TEX2: variants seen among roughly 807,000 people sequenced by gnomAD.
The protein encoded by TEX2 is testis expressed 2.
Under a neutral mutation model 106.9 loss-of-function variants are expected in TEX2, and 53 were observed. The ratio of observed to expected loss-of-function variants is 0.50; its 90% CI spans 0.40 to 0.62. The LOEUF (loss-of-function observed/expected upper bound fraction) is 0.62. Among genes scored for constraint, TEX2 ranks in the 20% least tolerant of loss-of-function variants. The probability of loss-of-function intolerance (pLI) is 0.00; values close to 1 mark genes in which losing one functional copy is unlikely to be tolerated. For synonymous variants in TEX2, 523 were observed against 534.8 expected, an observed-to-expected ratio of 0.98 and a Z score of 0.30; for missense variants, 1,207 against 1,379.0, an observed-to-expected ratio of 0.88 and a Z score of 1.98.
chr17:64,156,443 TA>T (rs1483730680), intron 8 of TEX2, among the ~76,000 whole-genome samples: 1 of 152,184 alleles, frequency 6.6e-6, no homozygotes, highest in African/African-American at 2.4e-5. Context: ...GGACAGCACG[TA>T]ACTGAGTCTT....
intron 4 of TEX2, 96 bp downstream of exon 4, chr17:64,193,463 G>GCTTCCTTA: frequency 1.0e-6 from 1 of 993,984 alleles, no homozygotes; most frequent in Non-Finnish European, 1.4e-6. Context: ...TTCAGGGTGG[G>GCTTCCTTA]CTTCCTTCCT....
intron 1 of TEX2, among the ~76,000 whole-genome samples, chr17:64,219,014 G>A (rs932083101): frequency 2.0e-5 from 3 of 152,022 alleles, no homozygotes; most frequent in African/African-American, 2.4e-5. Context: ...ACTTTCACCC[G>A]AAGCCTCAAG....
intron 1 of TEX2, among the ~76,000 whole-genome samples, chr17:64,250,883 G>T (rs1300249146): frequency 6.6e-6 from 1 of 152,046 alleles, no homozygotes; most frequent in East Asian, 1.9e-4. Flanking sequence ...GTAGAGACAG[G>T]GTTTCACCAT....
intron 5 of TEX2, among the ~76,000 whole-genome samples, chr17:64,179,359 T>C (rs931222242): frequency 2.0e-5 from 3 of 152,114 alleles, no homozygotes; most frequent in African/African-American, 7.2e-5. Context: ...GGCATTGTGA[T>C]AGGACAAAAA....
intron 2 of TEX2, among the ~76,000 whole-genome samples, chr17:64,197,718 C>T (rs1004809304): frequency 6.6e-6 from 1 of 152,092 alleles, no homozygotes; most frequent in East Asian, 1.9e-4. Context: ...GTCACTACAC[C>T]AAGCTAATTT....
At chr17:64,260,343 T>C (rs1376285591) in intron 1 of TEX2, among the ~76,000 whole-genome samples, 10 of 152,236 alleles carry the variant, frequency 6.6e-5, no homozygotes, top group African/African-American at 2.4e-4. Flanking sequence ...AAGTGTGTTT[T>C]GTTTGCTTGG....
chr17:64,218,480 A>C (rs1555632908), intron 1 of TEX2, among the ~76,000 whole-genome samples: 1 of 145,738 alleles, frequency 6.9e-6, no homozygotes, highest in African/African-American at 2.6e-5. Context: ...GTGCAGTGGC[A>C]CAATCTCGGC....
intron 5 of TEX2, among the ~76,000 whole-genome samples, chr17:64,186,951 A>G (rs2032098449): frequency 6.6e-6 from 1 of 152,224 alleles, no homozygotes; most frequent in Non-Finnish European, 1.5e-5. Context: ...CTTTCAGAAT[A>G]ACCCAGCAAA....
intron 5 of TEX2, among the ~76,000 whole-genome samples, chr17:64,179,850 G>A (rs2031781699): frequency 1.3e-5 from 2 of 152,104 alleles, no homozygotes; most frequent in African/African-American, 4.8e-5. Flanking sequence ...CCTTCTTAAT[G>A]GACATGGATT....
chr17:64,180,709 T>TG lies in TEX2; in HGVS notation c.2425-3239dup, dbSNP rs1241713043. ...CTAAGAAATGGTAACTTTCCAAAAA[T>TG]GGCTTCCAAATAAGTGTAGAGAAAA... is the stretch of plus-strand genomic sequence containing the variant. On this transcript the variant is annotated intron_variant, in intron 5 of 11. Coordinates refer to ENST00000584379, the MANE Select transcript of TEX2 (RefSeq NM_001288732.2). Among the ~76,000 whole-genome samples the TG allele has an allele frequency of 9.2e-5, 14 of 152,378 alleles. 1 individual carries two copies. Among genetic ancestry groups the TG allele is most frequent in the African/African-American group, 3.4e-4 (14 of 41,582 alleles).
chr17:64,179,526 T>C (rs2031760463), intron 5 of TEX2, among the ~76,000 whole-genome samples: 1 of 152,176 alleles, frequency 6.6e-6, no homozygotes, highest in South Asian at 2.1e-4. Context: ...CCGTGCCACC[T>C]TTAAGAGCTG....
At position 64,195,055 on chromosome 17, in the gene TEX2, T is replaced by C. The variant is rs747438891; in HGVS notation, c.1685A>G (p.Tyr562Cys). The C allele has an allele frequency of 3.7e-6, 6 of 1,614,058 alleles. No individual in the cohort carries two copies. The highest frequency in any genetic ancestry group is 2.2e-5 in the East Asian group (1 of 44,898). Residue 562 changes from tyrosine (Y) to cysteine (C), a missense_variant, in exon 3 of 12, where the codon TAC becomes TGC. Tyr to Cys is a radical substitution (Grantham distance 194). This residue lies in a region of TEX2 where 1,067 missense variants were observed against 1,193.6 expected (regional missense o/e 0.89). Transcript: ENST00000584379. The surrounding 1 kb of genome is among the most constrained non-coding windows in gnomAD (Gnocchi z 4.1). ...GACTGAATGTGTCAAAGTCGCATGGTAGGTTTCTGGATCATAGTTGTAAAT... is the reference window on the plus strand; with the variant it reads ...GACTGAATGTGTCAAAGTCGCATGGCAGGTTTCTGGATCATAGTTGTAAAT... The part of the protein sequence containing the change: ...NEIYNYDPET[Y>C]HATLTHSVFV...
chr17:64,252,757 A>G (rs1199828378), intron 1 of TEX2, among the ~76,000 whole-genome samples: 2 of 152,228 alleles, frequency 1.3e-5, no homozygotes, highest in South Asian at 2.1e-4. Context: ...TACTGGGTAT[A>G]TAACGCGGAG....
intron 1 of TEX2, among the ~76,000 whole-genome samples, chr17:64,228,496 AAGG>A (rs2033568859): frequency 6.6e-6 from 1 of 152,180 alleles, no homozygotes; most frequent in Non-Finnish European, 1.5e-5. Flanking sequence ...AGATTCTCAT[AAGG>A]AGGAGCAACC....
intron 7 of TEX2, among the ~76,000 whole-genome samples, chr17:64,162,894 C>G (rs2030950202): frequency 6.6e-6 from 1 of 152,210 alleles, no homozygotes; most frequent in South Asian, 2.1e-4. Flanking sequence ...TCTGCATTCA[C>G]CAGCCCACCC....
At chr17:64,226,010 G>T (rs1367277259) in intron 1 of TEX2, among the ~76,000 whole-genome samples, 2 of 152,188 alleles carry the variant, frequency 1.3e-5, no homozygotes, top group Non-Finnish European at 2.9e-5. Flanking sequence ...AAGCCACCAT[G>T]CCTAGCCAAA....
chr17:64,233,747 A>C (rs1462144034), intron 1 of TEX2, among the ~76,000 whole-genome samples: 1 of 152,184 alleles, frequency 6.6e-6, no homozygotes, highest in Non-Finnish European at 1.5e-5. Flanking sequence ...CTAACAGGCT[A>C]TTGCTGTGTA....
At chr17:64,240,497 G>GA (rs1229021953) in intron 1 of TEX2, among the ~76,000 whole-genome samples, 1 of 152,142 alleles carries the variant, frequency 6.6e-6, no homozygotes, top group Non-Finnish European at 1.5e-5. Context: ...TGGTGCAGTA[G>GA]AAAGAGTATA....
chr17:64,235,763 A>T (rs1181947023), intron 1 of TEX2, among the ~76,000 whole-genome samples: 1 of 152,196 alleles, frequency 6.6e-6, no homozygotes. Context: ...TCATTGCTAT[A>T]CATAAGTAAA....
Sources: allele counts gnomAD v4.1 joint callset (sites outside exome capture counted in the v4.1 genomes callset), GRCh38; gene constraint gnomAD v4.1.1; regional missense constraint gnomAD v4.1.1; non-coding constraint Gnocchi (gnomAD v3.1); transcripts MANE v1.5; gene names NCBI Gene and HGNC (gene_info 2026-07-23, HGNC 2026-07-21).